The following POU6F2 variants were observed in gnomAD, a reference collection of about 807,000 sequenced individuals.
POU6F2 encodes the protein POU class 6 homeobox 2, also known as POU domain, class 6, transcription factor 2.
Under a neutral mutation model 71.3 loss-of-function variants are expected in POU6F2, and 31 were observed. The observed-to-expected ratio is 0.43, with a 90% CI of 0.33 to 0.59. POU6F2 has a LOEUF of 0.59. POU6F2 is among the 20% of genes least tolerant of loss of function. The pLI is 0.04. For synonymous variants in POU6F2, 347 were observed against 355.7 expected (o/e 0.98, Z 0.27); for missense variants, 783 against 856.8 (o/e 0.91, Z 1.07).
At chr7:39,247,925 G>A (rs541381081) in intron 4 of POU6F2, among the ~76,000 whole-genome samples, 1 of 152,264 alleles carries the variant, frequency 6.6e-6, no homozygotes, top group South Asian at 2.1e-4. Context: ...TTCTTTCTGG[G>A]TAGAGGTAGG....
Position 39,406,712 on chromosome 7 carries a change from G to A in POU6F2, c.1085G>A (p.Gly362Asp). 1.2e-6 allele frequency: 2 copies of A among 1,613,714 alleles called. No homozygotes were observed. Among genetic ancestry groups the A allele is most frequent in the Non-Finnish European group, 8.5e-7 (1 of 1,179,874 alleles). ...CTCTCCAGTCTTCAGGGGGTCACAG[G>A]TCAACTAGTTACTAATGCACAAGGA... ...NALSSLQGVTGQLVTNAQGQI... is the reference protein window; with the variant it reads ...NALSSLQGVTDQLVTNAQGQI... Residue 362 changes from glycine to aspartate, a missense_variant, in exon 6 of 10, where the codon GGT becomes GAT. Coordinates refer to ENST00000518318, the MANE Select transcript of POU6F2 (RefSeq NM_001370959.1).
chr7:39,002,817 C>T (rs1788950807), intron 1 of POU6F2, among the ~76,000 whole-genome samples: 1 of 152,250 alleles, frequency 6.6e-6, no homozygotes, highest in Non-Finnish European at 1.5e-5. Context: ...TTCTTCCCGG[C>T]ATTGCCCTTT....
At chr7:39,373,486 C>T in intron 5 of POU6F2, 1 of 456,594 alleles carries the variant, frequency 2.2e-6, no homozygotes, top group Non-Finnish European at 4.4e-6. Flanking sequence ...GATCCTGCAC[C>T]CAAGGAGGAG....
intron 1 of POU6F2, among the ~76,000 whole-genome samples, chr7:39,029,347 C>T (rs979802900): frequency 2.6e-5 from 4 of 151,924 alleles, no homozygotes; most frequent in Non-Finnish European, 4.4e-5. Flanking sequence ...ACTGTTGGTA[C>T]TTTTACTTTT....
intron 1 of POU6F2, among the ~76,000 whole-genome samples, chr7:39,075,501 CAGA>C (rs1478762163): frequency 3.3e-5 from 5 of 152,278 alleles, no homozygotes; most frequent in South Asian, 2.1e-4. Context: ...GTCATCAGAA[CAGA>C]AGGACAGGAT....
chr7:39,365,463 C>T (rs1786482614), intron 5 of POU6F2, among the ~76,000 whole-genome samples: 1 of 152,142 alleles, frequency 6.6e-6, no homozygotes, highest in African/African-American at 2.4e-5. Flanking sequence ...AAAAACCCTT[C>T]TAGACTTAGG....
intron 4 of POU6F2, among the ~76,000 whole-genome samples, chr7:39,249,534 A>G (rs1036008222): frequency 6.6e-6 from 1 of 152,232 alleles, no homozygotes; most frequent in Admixed American, 6.5e-5. Flanking sequence ...AACATAAAGG[A>G]CTAATATATA....
intron 5 of POU6F2, among the ~76,000 whole-genome samples, chr7:39,345,046 T>G (rs1170986038): frequency 2.6e-5 from 4 of 152,098 alleles, no homozygotes; most frequent in Non-Finnish European, 2.9e-5. Flanking sequence ...AAAATCAAAA[T>G]GAACGCCAAA....
In POU6F2 at chr7:39,352,721, G is replaced by A. The variant is rs144677108; in HGVS notation, c.972+12706G>A. ...AATAATTGGAAGTGCTGCCATCATT[G>A]CAAGACAATGGTTTCCTTTTTTTTC... On this transcript the variant is annotated intron_variant, in intron 5 of 9. Coordinates refer to ENST00000518318, the MANE Select transcript of POU6F2 (RefSeq NM_001370959.1). Among the ~76,000 whole-genome samples, 701 of 152,196 alleles carry A rather than the reference G, an allele frequency of 4.6e-3. 4 individuals are homozygous for A. The highest frequency in any genetic ancestry group is 0.016 in the African/African-American group (665 of 41,518).
At chr7:39,206,758 G>A (rs1794021534) in intron 3 of POU6F2, among the ~76,000 whole-genome samples, 1 of 152,090 alleles carries the variant, frequency 6.6e-6, no homozygotes, top group Non-Finnish European at 1.5e-5. Flanking sequence ...TTTTTATGCA[G>A]TTATCTTATT....
intron 5 of POU6F2, among the ~76,000 whole-genome samples, chr7:39,376,240 A>G (rs1292893270): frequency 1.3e-5 from 2 of 152,222 alleles, no homozygotes; most frequent in African/African-American, 2.4e-5. Context: ...CAGTTTATCC[A>G]TTCACTGATC....
In POU6F2 at chr7:39,465,942, A is replaced by G. The variant is rs2052019; in HGVS notation, c.*1256A>G. On this transcript the variant is annotated 3_prime_UTR_variant, in exon 10 of 10. Transcript: ENST00000518318. ...AAGATTTCAGTCAAATACACACATG[A>G]CATGCACACACCCATAAACACACAC... 0.91 allele frequency: 137,944 copies of G among 152,312 alleles called. 62,534 individuals are homozygous for G. The highest frequency in any genetic ancestry group is 0.94 in the Admixed American group (14,390 of 15,298). 9.4% of individuals were successfully genotyped at this position (152,312 alleles called of 1,614,324 possible).
At chr7:39,082,227 C>A (rs1562698570) in intron 1 of POU6F2, among the ~76,000 whole-genome samples, 2 of 152,226 alleles carry the variant, frequency 1.3e-5, no homozygotes, top group Non-Finnish European at 2.9e-5. Context: ...CTCCTTTTTC[C>A]ACCGTCTGGT....
At chr7:39,143,861 C>A (rs1792558193) in intron 2 of POU6F2, among the ~76,000 whole-genome samples, 1 of 152,126 alleles carries the variant, frequency 6.6e-6, no homozygotes, top group Non-Finnish European at 1.5e-5. Context: ...TGAACTACGT[C>A]AATTATTGAA....
intron 2 of POU6F2, among the ~76,000 whole-genome samples, chr7:39,102,951 T>A (rs769206677): frequency 6.6e-6 from 1 of 152,240 alleles, no homozygotes; most frequent in Non-Finnish European, 1.5e-5. Context: ...AGATATAATC[T>A]TATGGGACCA....
At chr7:39,388,504 CAG>C (rs1786994816) in intron 5 of POU6F2, among the ~76,000 whole-genome samples, 1 of 152,116 alleles carries the variant, frequency 6.6e-6, no homozygotes, top group Non-Finnish European at 1.5e-5. Flanking sequence ...TTAGTAGAGA[CAG>C]GGTTTCACCA....
chr7:38,982,393 T>A (rs1434140723), intron 1 of POU6F2, among the ~76,000 whole-genome samples: 1 of 152,092 alleles, frequency 6.6e-6, no homozygotes, highest in Non-Finnish European at 1.5e-5. Flanking sequence ...GGATTATTCT[T>A]TCTTATACAT....
chr7:39,330,389 G>C (rs894971320), intron 4 of POU6F2, among the ~76,000 whole-genome samples: 4 of 151,966 alleles, frequency 2.6e-5, no homozygotes. Flanking sequence ...GTAGTACCCC[G>C]GTCCTCCCTT....
chr7:39,434,658 A>G (rs1269763996), intron 7 of POU6F2, among the ~76,000 whole-genome samples: 2 of 151,952 alleles, frequency 1.3e-5, no homozygotes, highest in African/African-American at 4.8e-5. Flanking sequence ...TCTAAAAAAA[A>G]AAGCAAAAAC....
Sources: gnomAD v4.1 joint callset for allele counts (sites outside exome capture counted in the v4.1 genomes callset) on GRCh38, gnomAD v4.1.1 for gene constraint, MANE v1.5 for transcripts, NCBI Gene and HGNC (gene_info 2026-07-23, HGNC 2026-07-21) for gene names.